ITPRID1: variants seen among roughly 807,000 people sequenced by gnomAD.
The protein encoded by ITPRID1 is ITPR interacting domain containing 1, also known as protein ITPRID1.
ITPRID1 carries 96 observed loss-of-function variants against 95.4 expected under a neutral mutation model. The observed-to-expected ratio is 1.01, with a 90% confidence interval of 0.85 to 1.19. ITPRID1 has a LOEUF of 1.19. Ranked by LOEUF, ITPRID1 falls within the 50% of genes most tolerant of loss-of-function variation. The pLI, the probability that ITPRID1 is intolerant of heterozygous loss-of-function variation, is 0.00. For synonymous variants in ITPRID1, 510 were observed against 453.6 expected (o/e 1.12, Z -1.58); for missense variants, 1,339 against 1,252.9 (o/e 1.07, Z -1.04).
chr7:31,619,356 G>A (rs1199722322), intron 10 of ITPRID1, among the ~76,000 whole-genome samples: 1 of 152,162 alleles, frequency 6.6e-6, no homozygotes, highest in East Asian at 1.9e-4. Context: ...GACAAATCCA[G>A]ACTCCAAACT....
chr7:31,526,546 T>C (rs750342747), intron 1 of ITPRID1, among the ~76,000 whole-genome samples: 1 of 152,232 alleles, frequency 6.6e-6, no homozygotes, highest in Non-Finnish European at 1.5e-5. Context: ...CTGTGAGGCT[T>C]GGCACAAACC....
At chr7:31,619,714 G>A (rs982480765) in intron 10 of ITPRID1, among the ~76,000 whole-genome samples, 1 of 152,098 alleles carries the variant, frequency 6.6e-6, no homozygotes, top group African/African-American at 2.4e-5. Context: ...TTCCATCTGA[G>A]GTACCAGTTC....
rs1313052748 is a variant in ITPRID1, at chr7:31,651,125, T to C, written c.2584-17T>C. 6.2e-7 allele frequency: 1 copy of C among 1,608,778 alleles called. No homozygotes were observed. Among genetic ancestry groups the C allele is most frequent in the Admixed American group, 1.7e-5 (1 of 59,548 alleles). The stretch of plus-strand genomic sequence containing the variant: ...TCAGAGAGGACTTTCTTCTCAGTTC[T>C]TTCTCATTGTTCTCAGTGCACAGTC... On this transcript the variant is annotated splice_polypyrimidine_tract_variant and intron_variant, in intron 12 of 14. Transcript: ENST00000615280.
intron 5 of ITPRID1, among the ~76,000 whole-genome samples, chr7:31,564,867 G>C (rs1358898302): frequency 6.6e-6 from 1 of 152,120 alleles, no homozygotes; most frequent in African/African-American, 2.4e-5. Context: ...GCTCTTCCAA[G>C]TTTTAAGGAA....
chr7:31,633,133 C>A (rs1336801785), intron 10 of ITPRID1, among the ~76,000 whole-genome samples: 5 of 151,920 alleles, frequency 3.3e-5, no homozygotes, highest in South Asian at 2.1e-4. Context: ...GATCTGCCTG[C>A]CTCAGCCTCC....
At chr7:31,602,361 G>A (rs1786430828) in intron 10 of ITPRID1, among the ~76,000 whole-genome samples, 1 of 152,118 alleles carries the variant, frequency 6.6e-6, no homozygotes, top group African/African-American at 2.4e-5. Flanking sequence ...GCAGTTTAGT[G>A]TTGCTTTTGG....
At chr7:31,565,495 G>C (rs1784767056) in intron 5 of ITPRID1, among the ~76,000 whole-genome samples, 2 of 152,128 alleles carry the variant, frequency 1.3e-5, no homozygotes, top group Admixed American at 6.5e-5. Context: ...CAGCACTTTG[G>C]GAAGCCACAG....
In ITPRID1 at chr7:31,643,583, CTG is replaced by C. The variant is rs1790212931; in HGVS notation, c.2220_2221del (p.Cys740Ter). The C allele has an allele frequency of 1.2e-6, 2 of 1,613,900 alleles. No homozygotes were observed. The highest frequency in any genetic ancestry group is 1.7e-6 in the Non-Finnish European group (2 of 1,179,906). ...CCCAGAGGAACATCTTTAGAATGCA[CTG>C]TGTGTGATCCTGTTACCGCAACAGA... On this transcript the variant is annotated frameshift_variant, in exon 12 of 15. Coordinates refer to ENST00000615280, the MANE Select transcript of ITPRID1 (RefSeq NM_001257967.3). LOFTEE classifies it high-confidence loss of function.
chr7:31,612,589 C>T (rs1448091273), intron 10 of ITPRID1, among the ~76,000 whole-genome samples: 1 of 152,068 alleles, frequency 6.6e-6, no homozygotes, highest in East Asian at 1.9e-4. Flanking sequence ...CACTGAAGTT[C>T]CTACTTGAAT....
At chr7:31,649,348 T>C (rs1244548434) in intron 12 of ITPRID1, among the ~76,000 whole-genome samples, 2 of 152,136 alleles carry the variant, frequency 1.3e-5, no homozygotes. Flanking sequence ...TCCACCTAGC[T>C]GTAAAGTTGG....
At chr7:31,633,760 G>A (rs946519143) in intron 10 of ITPRID1, among the ~76,000 whole-genome samples, 1 of 152,204 alleles carries the variant, frequency 6.6e-6, no homozygotes, top group Admixed American at 6.5e-5. Flanking sequence ...AGAAGAGATA[G>A]GAACTTGACC....
intron 10 of ITPRID1, among the ~76,000 whole-genome samples, chr7:31,596,440 G>A (rs971209692): frequency 2.1e-4 from 32 of 151,348 alleles, no homozygotes; most frequent in Non-Finnish European, 3.5e-4. Context: ...TATGAAAATA[G>A]AGGCAAAAAT....
At chr7:31,546,742 A>T (rs1315810134) in intron 1 of ITPRID1, among the ~76,000 whole-genome samples, 1 of 152,174 alleles carries the variant, frequency 6.6e-6, no homozygotes, top group African/African-American at 2.4e-5. Context: ...AGAAAATCTC[A>T]CGATGGTTAA....
intron 1 of ITPRID1, among the ~76,000 whole-genome samples, chr7:31,533,021 C>T (rs1413106330): frequency 6.6e-6 from 1 of 152,034 alleles, no homozygotes; most frequent in Non-Finnish European, 1.5e-5. Context: ...CAGTGTTATA[C>T]AAGGAATTGA....
Position 31,628,579 on chromosome 7 carries a change from T to A in ITPRID1, c.1229-13597T>A, listed in dbSNP as rs1202959564. 3.3e-5 allele frequency among the ~76,000 whole-genome samples: 5 copies of A among 151,758 alleles called. No individual in the cohort carries two copies. The East Asian group carries it at 9.7e-4, about 29-fold the overall frequency. On this transcript the variant is annotated intron_variant, in intron 10 of 14. Transcript: ENST00000615280. ...TTCACGCCATTCTCCTGCCTCAGCC[T>A]CCCCAGCAGCTGGGACTACAGGCGC...
Position 31,635,946 on chromosome 7 carries a change from A to T in ITPRID1, c.1229-6230A>T, listed in dbSNP as rs190825372. 5.5e-3 allele frequency among the ~76,000 whole-genome samples: 844 copies of T among 152,184 alleles called. 10 individuals carry two copies. Among genetic ancestry groups the T allele is most frequent in the African/African-American group, 0.019 (797 of 41,500 alleles). The stretch of plus-strand genomic sequence containing the variant: ...CCTGGAACTTAAAATAATTTTTTTT[A>T]AAAAAAGAAAAGAGGTTTAATTGAC... On this transcript the variant is annotated intron_variant, in intron 10 of 14. Transcript: ENST00000615280.
chr7:31,599,662 TTCTCTC>T lies in ITPRID1; in HGVS notation c.1228+16497_1228+16502del, dbSNP rs70986634. ...CTTTCTTTCTTTTTCTTTCTTTCCT[TTCTCTC>T]TCTCTCTCTCTCTCTCTCTCTCTCT... On this transcript the variant is annotated intron_variant, in intron 10 of 14. Coordinates refer to ENST00000615280, the MANE Select transcript of ITPRID1 (RefSeq NM_001257967.3). Among the ~76,000 whole-genome samples the T allele has an allele frequency of 1.6e-3, 50 of 31,428 alleles. 1 individual carries two copies. Among genetic ancestry groups the T allele is most frequent in the South Asian group, 6.5e-3 (4 of 614 alleles). 20.6% of individuals were successfully genotyped at this position (31,428 alleles called of 152,430 possible).
At chr7:31,553,284 G>A in intron 3 of ITPRID1, 97 bp downstream of exon 3, 1 of 1,205,726 alleles carries the variant, frequency 8.3e-7, no homozygotes, top group South Asian at 1.6e-5. Context: ...TGGAACAAAA[G>A]TATTTGGCTT....
intron 10 of ITPRID1, among the ~76,000 whole-genome samples, chr7:31,638,628 A>C (rs1436243809): frequency 1.3e-5 from 2 of 152,340 alleles, no homozygotes; most frequent in African/African-American, 4.8e-5. Context: ...GATGTTACTC[A>C]ACTGTCTTCT....
Sources: allele counts gnomAD v4.1 joint callset (sites outside exome capture counted in the v4.1 genomes callset), GRCh38; gene constraint gnomAD v4.1.1; transcripts MANE v1.5; gene names NCBI Gene and HGNC (gene_info 2026-07-23, HGNC 2026-07-21).